ZNF613: variants seen among roughly 807,000 people sequenced by gnomAD.
ZNF613 encodes zinc finger protein 613.
Under a neutral mutation model 14.3 loss-of-function variants are expected in ZNF613, and 8 were observed. That is an observed-to-expected ratio of 0.56 (90% confidence interval 0.33 to 1.01). The LOEUF (loss-of-function observed/expected upper bound fraction) is 1.01, where lower values mean the gene tolerates loss of function less well. Ranked by LOEUF, ZNF613 falls within the 50% of genes least tolerant of loss-of-function variation. The probability of loss-of-function intolerance (pLI) is 0.03; values close to 1 mark genes in which losing one functional copy is unlikely to be tolerated. For synonymous variants in ZNF613, 228 were observed against 254.5 expected (o/e 0.90, Z 0.99); for missense variants, 656 against 741.9 (o/e 0.88, Z 1.35).
chr19:51,935,921 A>G, intron 2 of ZNF613, 107 bp from the exon 3 acceptor site: 1 of 334,474 alleles, frequency 3.0e-6, no homozygotes, highest in African/African-American at 2.1e-5. Context: ...CTGGGGCCCC[A>G]AATAAAGGGA....
intron 5 of ZNF613, among the ~76,000 whole-genome samples, chr19:51,940,978 T>G (rs1478053143): frequency 1.3e-5 from 2 of 152,178 alleles, no homozygotes; most frequent in Non-Finnish European, 2.9e-5. Flanking sequence ...TCACCCAGGC[T>G]AGAGCCCAGT....
intron 2 of ZNF613, among the ~76,000 whole-genome samples, chr19:51,931,207 C>T (rs1296729854): frequency 6.6e-6 from 1 of 152,114 alleles, no homozygotes; most frequent in Non-Finnish European, 1.5e-5. Context: ...GTCGCTATTT[C>T]CTTTACAAAA....
At position 51,945,127 on chromosome 19, in the gene ZNF613, T is replaced by C; in HGVS notation, c.1244T>C (p.Leu415Pro). 1 of 1,614,184 alleles carries C rather than the reference T, an allele frequency of 6.2e-7. No individual in the cohort carries two copies. ...CGKGFIQKGNLLIHRRTHTGE... is the reference protein window; with the variant it reads ...CGKGFIQKGNPLIHRRTHTGE... ...AAAGGCTTCATCCAAAAGGGCAACC[T>C]CCTTATTCATCGACGTACTCACACT... is the stretch of plus-strand genomic sequence containing the variant. Residue 415 changes from leucine (L) to proline (P), a missense_variant, in exon 6 of 6, where the codon CTC (leucine) becomes CCC (proline). By Grantham distance (98) the Leu-to-Pro change is moderately conservative. Coordinates refer to ENST00000293471, the MANE Select transcript of ZNF613 (RefSeq NM_001031721.4).
rs751605455 is a variant in ZNF613 at position 51,945,408 on chromosome 19, G to T, written c.1525G>T (p.Glu509Ter). ...LNRHRRTHTG[E>*]RPYGCSDCGK... ...CAGACATCGGAGAACTCATACAGGG[G>T]AGAGACCGTATGGATGCTCTGATTG... The change falls in exon 6 of 6, where the codon GAG becomes TAG. Residue 509 changes from glutamate to a stop codon, truncating the protein, a stop_gained. Transcript: ENST00000293471. LOFTEE classifies it low-confidence loss of function (END_TRUNC). 1 of 1,613,768 alleles carries T rather than the reference G, an allele frequency of 6.2e-7. No individual in the cohort carries two copies. The highest frequency in any genetic ancestry group is 1.1e-5 in the South Asian group (1 of 91,042).
intron 2 of ZNF613, among the ~76,000 whole-genome samples, chr19:51,933,842 A>G (rs2085285806): frequency 6.6e-6 from 1 of 152,230 alleles, no homozygotes; most frequent in African/African-American, 2.4e-5. Flanking sequence ...TCTGTCACCC[A>G]GACTGGAGTG....
intron 3 of ZNF613, among the ~76,000 whole-genome samples, chr19:51,939,540 A>G (rs1250462496): frequency 6.6e-6 from 1 of 151,616 alleles, no homozygotes; most frequent in Admixed American, 6.6e-5. Context: ...ATGTTGGGCA[A>G]GCTGGTCTCA....
In ZNF613 at chr19:51,936,241, T is replaced by C; in HGVS notation, c.15+6T>C. 6.2e-7 allele frequency: 1 copy of C among 1,601,720 alleles called. No individual in the cohort carries two copies. Among genetic ancestry groups the C allele is most frequent in the Non-Finnish European group, 8.5e-7 (1 of 1,174,006 alleles). ...AGAAAATGATCAAGTCCCAGGTGAC[T>C]TTTTGTTTGTTTTAGTCTTTCCTTC... On this transcript the variant is annotated splice_donor_region_variant and intron_variant, in intron 3 of 5. Transcript: ENST00000293471.
In ZNF613 at chr19:51,945,883, A is replaced by G; in HGVS notation, c.*146A>G. ...ATGGCTAATAAGCATATACTCAGAG[A>G]AAAATAGTATGAAGTGGAGACTGGG... On this transcript the variant is annotated 3_prime_UTR_variant, in exon 6 of 6. Transcript: ENST00000293471. The G allele has an allele frequency of 1.2e-6, 1 of 825,540 alleles. No individual in the cohort carries two copies. The highest frequency in any genetic ancestry group is 1.9e-6 in the Non-Finnish European group (1 of 537,258). The allele number at this position is 825,540 out of a possible 1,614,324, so 51.1% of individuals were successfully genotyped here.
In ZNF613 at chr19:51,945,208, G is replaced by T; in HGVS notation, c.1325G>T (p.Cys442Phe). ...GGGAAAGGCTTCAGCCAGAAGACATGTTTAATATCCCATCAGAGATTTCAC... is the reference window on the plus strand; with the variant it reads ...GGGAAAGGCTTCAGCCAGAAGACATTTTTAATATCCCATCAGAGATTTCAC... ...ECGKGFSQKTCLISHQRFHTG... is the reference protein window; with the variant it reads ...ECGKGFSQKTFLISHQRFHTG... Residue 442 changes from cysteine to phenylalanine, a missense_variant, in exon 6 of 6, where the codon TGT (cysteine) becomes TTT (phenylalanine). Transcript: ENST00000293471. The T allele has an allele frequency of 6.2e-7, 1 of 1,614,186 alleles. No homozygotes were observed. The highest frequency in any genetic ancestry group is 1.3e-5 in the African/African-American group (1 of 75,060).
chr19:51,931,998 A>G (rs897612982), intron 2 of ZNF613, among the ~76,000 whole-genome samples: 2 of 152,088 alleles, frequency 1.3e-5, no homozygotes, highest in Non-Finnish European at 1.5e-5. Context: ...AGCTCTCCGT[A>G]TTTATTAGGC....
At chr19:51,933,217 C>G (rs981728518) in intron 2 of ZNF613, among the ~76,000 whole-genome samples, 5 of 152,172 alleles carry the variant, frequency 3.3e-5, no homozygotes, top group Non-Finnish European at 5.9e-5. Context: ...TATACGAGTG[C>G]TTTTGAATGG....
In ZNF613 at chr19:51,945,520, T is replaced by G; in HGVS notation, c.1637T>G (p.Leu546Trp). The G allele has an allele frequency of 6.2e-7, 1 of 1,614,188 alleles. No homozygotes were observed. The highest frequency in any genetic ancestry group is 8.5e-7 in the Non-Finnish European group (1 of 1,180,038). Residue 546 changes from leucine to tryptophan, a missense_variant, in exon 6 of 6, where the codon TTG (leucine) becomes TGG (tryptophan). By Grantham distance (61) the Leu-to-Trp change is moderately conservative (BLOSUM62 -2). Transcript: ENST00000293471. ...GAGAAATGTGTAGGTTCAGTCAAAT[T>G]GGAAAATCCTTGCTCAGAGAGTCAT... Reference protein sequence around the residue: ...AREKCVGSVKLENPCSESHSL... With the variant: ...AREKCVGSVKWENPCSESHSL...
intron 5 of ZNF613, among the ~76,000 whole-genome samples, chr19:51,941,487 C>T (rs1419316518): frequency 6.6e-6 from 1 of 152,028 alleles, no homozygotes; most frequent in Admixed American, 6.6e-5. Context: ...GGTCTTCCCA[C>T]CCTATCTTGG....
chr19:51,945,217 C>G lies in ZNF613; in HGVS notation c.1334C>G (p.Ser445Cys), dbSNP rs2085388278. Residue 445 changes from serine to cysteine, a missense_variant, in exon 6 of 6, where the codon TCC becomes TGC. Physicochemically the swap from Ser to Cys is moderately radical, Grantham distance 112. Coordinates refer to ENST00000293471, the MANE Select transcript of ZNF613 (RefSeq NM_001031721.4). Reference sequence around the variant, plus strand: ...TTCAGCCAGAAGACATGTTTAATATCCCATCAGAGATTTCACACAGGAAAG... The same window carrying G: ...TTCAGCCAGAAGACATGTTTAATATGCCATCAGAGATTTCACACAGGAAAG... ...KGFSQKTCLI[S>C]HQRFHTGKTP... The G allele has an allele frequency of 1.9e-6, 3 of 1,613,968 alleles. No individual in the cohort carries two copies. In the African/African-American group the frequency reaches 4.0e-5, roughly 22 times the overall value.
intron 2 of ZNF613, among the ~76,000 whole-genome samples, chr19:51,930,247 G>T (rs1049730540): frequency 6.6e-6 from 1 of 151,450 alleles, no homozygotes; most frequent in Non-Finnish European, 1.5e-5. Flanking sequence ...TTTGTGACTG[G>T]TTTCTTTCAC....
chr19:51,937,487 C>CT (rs1250113432), intron 3 of ZNF613, among the ~76,000 whole-genome samples: 3 of 152,248 alleles, frequency 2.0e-5, no homozygotes, highest in African/African-American at 7.2e-5. Context: ...CACAAAATGA[C>CT]TAATGTTGGA....
Position 51,938,089 on chromosome 19 carries a change from A to G in ZNF613, c.15+1854A>G, listed in dbSNP as rs527403507. On this transcript the variant is annotated intron_variant, in intron 3 of 5. Transcript: ENST00000293471. ...TACATGCCAAAGCACAGGTCCTCAG[A>G]GACCTTTTTGGGAAGAGGCCAAAGG... Among the ~76,000 whole-genome samples the G allele has an allele frequency of 2.0e-5, 3 of 152,168 alleles. No homozygotes were observed. In the East Asian group the frequency reaches 5.8e-4, roughly 29 times the overall value.
intron 3 of ZNF613, among the ~76,000 whole-genome samples, chr19:51,939,454 G>T (rs8101082): frequency 0.17 from 26,438 of 151,748 alleles, 3,183 homozygotes; most frequent in African/African-American, 0.34. Flanking sequence ...TCAGTCTCCC[G>T]AGTAGCTGGG....
chr19:51,937,725 CT>C (rs557250619), intron 3 of ZNF613, among the ~76,000 whole-genome samples: 4,256 of 105,202 alleles, frequency 0.04, 61 homozygotes, highest in Non-Finnish European at 0.057. Flanking sequence ...TGTCTTTTTT[CT>C]TTTTTTTTTT....
Sources: allele counts gnomAD v4.1 joint callset (sites outside exome capture counted in the v4.1 genomes callset), GRCh38; gene constraint gnomAD v4.1.1; transcripts MANE v1.5; gene names NCBI Gene and HGNC (gene_info 2026-07-23, HGNC 2026-07-21).